Variants in TMPRSS3 observed in about 807,000 individuals in gnomAD.
TMPRSS3 encodes transmembrane protease serine 3.
A neutral mutation model predicts 59.6 loss-of-function variants in TMPRSS3; 55 were observed. The ratio of observed to expected loss-of-function variants is 0.92; its 90% CI spans 0.74 to 1.16. The LOEUF (loss-of-function observed/expected upper bound fraction) is 1.16. TMPRSS3 is among the 50% of genes most tolerant of loss of function. TMPRSS3 has a pLI of 0.00. For missense variants in TMPRSS3, 596 were observed against 579.4 expected (o/e 1.03, Z -0.29); for synonymous variants, 257 against 237.7 (o/e 1.08, Z -0.75).
rs1290152263 is a variant in TMPRSS3 at position 42,380,155 on chromosome 21, AC to A, written c.1009del (p.Val337CysfsTer20). 1.2e-6 allele frequency: 2 copies of A among 1,614,016 alleles called. No individual in the cohort carries two copies. Among genetic ancestry groups the A allele is most frequent in the Non-Finnish European group, 1.7e-6 (2 of 1,180,008 alleles). On this transcript the variant is annotated frameshift_variant, in exon 10 of 13. Transcript: ENST00000644384. LOFTEE classifies it high-confidence loss of function. ...GGCCCCCCATCCTGACGTCCAGCAC[AC>A]TTTTCCATCGGGGAAGTTCTCTTCA... ...NSEENFPDGK[V>X]CWTSGWGATE...
chr21:42,376,056 G>A (rs2052423277), intron 11 of TMPRSS3, among the ~76,000 whole-genome samples, 188 bp from the exon 12 acceptor site: 1 of 152,176 alleles, frequency 6.6e-6, no homozygotes, highest in Non-Finnish European at 1.5e-5. Context: ...CCCCAAGGGA[G>A]GATGTCCCTC....
At chr21:42,383,729 C>A in intron 7 of TMPRSS3, 2 of 701,538 alleles carry the variant, frequency 2.9e-6, no homozygotes, top group African/African-American at 1.8e-5. Flanking sequence ...ACATCATGGG[C>A]CTTGGTCCTG....
chr21:42,380,292 T>C, intron 9 of TMPRSS3, 80 bp from the exon 10 acceptor site: 1 of 1,177,776 alleles, frequency 8.5e-7, no homozygotes, highest in South Asian at 1.3e-5. Context: ...CTTCTGCCTC[T>C]GAGGAGCCCA....
chr21:42,393,055 C>A (rs937302841), intron 2 of TMPRSS3, among the ~76,000 whole-genome samples: 1 of 152,126 alleles, frequency 6.6e-6, no homozygotes, highest in Non-Finnish European at 1.5e-5. Flanking sequence ...GACCAGCCTG[C>A]CCAACACGGT....
chr21:42,372,895 G>A (rs1007297582), intron 12 of TMPRSS3, 116 bp from the exon 13 acceptor site: 28 of 1,296,882 alleles, frequency 2.2e-5, no homozygotes, highest in African/African-American at 7.3e-5. Context: ...TGTTCTCCAC[G>A]ATGAAGACAA....
rs371149049 is a variant in TMPRSS3 at position 42,380,196 on chromosome 21, C to A, written c.969G>T (p.Val323=). 1.1e-5 allele frequency: 17 copies of A among 1,614,122 alleles called. No individual in the cohort carries two copies. The African/African-American group carries it at 1.3e-4, about 13-fold the overall frequency. Residue 323 remains valine, a synonymous_variant, in exon 10 of 13, where the codon GTG becomes GTT. Transcript: ENST00000644384. ...PLTFNEMIQP[V]CLPNSEENFP... ...AGTTCTCTTCAGAGTTGGGCAGGCACACAGGCTGGATCATTTCTGCTTGAA... is the reference window on the plus strand; with the variant it reads ...AGTTCTCTTCAGAGTTGGGCAGGCAAACAGGCTGGATCATTTCTGCTTGAA...
intron 12 of TMPRSS3, among the ~76,000 whole-genome samples, chr21:42,374,612 A>G (rs940773046): frequency 8.5e-5 from 13 of 152,140 alleles, no homozygotes; most frequent in African/African-American, 2.9e-4. Context: ...GCGTGCTTCT[A>G]GGGTGCCGCG....
intron 6 of TMPRSS3, among the ~76,000 whole-genome samples, chr21:42,385,032 TCTTCCTCCCTCCCTCCCTTC>T (rs1370640947): frequency 1.6e-4 from 21 of 134,294 alleles, no homozygotes; most frequent in South Asian, 1.2e-3. Flanking sequence ...ACCCTCCCTC[TCTTCCTCCCTCCCTCCCTTC>T]CTTCCTCCCT....
intron 8 of TMPRSS3, 175 bp downstream of exon 8, chr21:42,382,858 C>T: frequency 1.3e-6 from 1 of 750,450 alleles, no homozygotes. Context: ...AAGTTACCCC[C>T]AGCTGATGAT....
At chr21:42,375,178 G>A (rs9979011) in intron 12 of TMPRSS3, among the ~76,000 whole-genome samples, 20 of 151,786 alleles carry the variant, frequency 1.3e-4, no homozygotes, top group South Asian at 4.2e-4. Context: ...TCGCTGTTGG[G>A]TGCCCCCCTG....
chr21:42,393,012 G>C (rs1436391994), intron 2 of TMPRSS3, among the ~76,000 whole-genome samples: 1 of 152,208 alleles, frequency 6.6e-6, no homozygotes, highest in Non-Finnish European at 1.5e-5. Context: ...GAATGCAAAT[G>C]GCGCACAAGT....
At chr21:42,390,980 G>A (rs948563149) in intron 2 of TMPRSS3, among the ~76,000 whole-genome samples, 3 of 152,124 alleles carry the variant, frequency 2.0e-5, no homozygotes, top group Non-Finnish European at 4.4e-5. Flanking sequence ...TCAGACTTCT[G>A]GCCTCCAGAA....
chr21:42,391,787 T>A (rs533440203), intron 2 of TMPRSS3, among the ~76,000 whole-genome samples: 7 of 152,206 alleles, frequency 4.6e-5, no homozygotes, highest in African/African-American at 7.2e-5. Flanking sequence ...CCCATGAAAC[T>A]GTGGCAGGCT....
At chr21:42,383,925 C>G in intron 7 of TMPRSS3, 45 bp downstream of exon 7, 3 of 1,603,592 alleles carry the variant, frequency 1.9e-6, no homozygotes, top group Non-Finnish European at 2.6e-6. Flanking sequence ...TAGGACTTAG[C>G]ATGTGCTTGC....
chr21:42,372,143 G>C lies in TMPRSS3; in HGVS notation c.*619C>G. On this transcript the variant is annotated 3_prime_UTR_variant, in exon 13 of 13. Coordinates refer to ENST00000644384, the MANE Select transcript of TMPRSS3 (RefSeq NM_001256317.3). Reference sequence around the variant, plus strand: ...AGTGGCTGTTGGTGGCTTTGCACGTGAGGTCACATAACTGCTTATCTCGTC... The same window carrying C: ...AGTGGCTGTTGGTGGCTTTGCACGTCAGGTCACATAACTGCTTATCTCGTC... 2.2e-6 allele frequency: 1 copy of C among 454,030 alleles called. No homozygotes were observed. The highest frequency in any genetic ancestry group is 4.4e-6 in the Non-Finnish European group (1 of 226,622). 28.1% of individuals were successfully genotyped at this position (454,030 alleles called of 1,614,324 possible).
intron 2 of TMPRSS3, among the ~76,000 whole-genome samples, chr21:42,394,771 G>A (rs936037778): frequency 2.6e-5 from 4 of 152,150 alleles, no homozygotes; most frequent in Non-Finnish European, 2.9e-5. Flanking sequence ...CCTTTGACCA[G>A]TCCTGACTAT....
chr21:42,395,619 T>C (rs2052795041), intron 1 of TMPRSS3, 151 bp from the exon 2 acceptor site: 1 of 586,190 alleles, frequency 1.7e-6, no homozygotes, highest in African/African-American at 1.9e-5. Flanking sequence ...CTGGTGAGAA[T>C]GCATTTTCGT....
intron 2 of TMPRSS3, among the ~76,000 whole-genome samples, chr21:42,390,663 G>T (rs959724334): frequency 2.0e-5 from 3 of 152,198 alleles, no homozygotes; most frequent in Non-Finnish European, 4.4e-5. Flanking sequence ...GGGAGGCAGA[G>T]GTGGCAGTGA....
Position 42,372,511 on chromosome 21 carries a change from G to A in TMPRSS3, c.*251C>T. 1.5e-6 allele frequency: 1 copy of A among 645,458 alleles called. No individual in the cohort carries two copies. Among genetic ancestry groups the A allele is most frequent in the East Asian group, 3.2e-5 (1 of 31,284 alleles). The allele number at this position is 645,458 out of a possible 1,614,324, so 40.0% of individuals were successfully genotyped here. ...GGAAGCGGAGGCTGCAGTGAGCAGG[G>A]ATTTCGCCACTGCACTCCAGCCTGG... is the stretch of plus-strand genomic sequence containing the variant. On this transcript the variant is annotated 3_prime_UTR_variant, in exon 13 of 13. Transcript: ENST00000644384.
Sources: allele counts gnomAD v4.1 joint callset (sites outside exome capture counted in the v4.1 genomes callset), GRCh38; gene constraint gnomAD v4.1.1; transcripts MANE v1.5; gene names NCBI Gene and HGNC (gene_info 2026-07-23, HGNC 2026-07-21).